CNPY1: variants seen among roughly 807,000 people sequenced by gnomAD.
The protein encoded by CNPY1 is canopy FGF signaling regulator 1.
CNPY1 carries 14 observed loss-of-function variants against 14.4 expected under a neutral mutation model. The ratio of observed to expected loss-of-function variants is 0.97; its 90% CI spans 0.64 to 1.52. The LOEUF (loss-of-function observed/expected upper bound fraction) is 1.52. CNPY1 is among the 40% of genes most tolerant of loss of function. The pLI, the probability that CNPY1 is intolerant of heterozygous loss-of-function variation, is 0.00. For missense variants in CNPY1, 129 were observed against 131.5 expected (o/e 0.98, Z 0.09); for synonymous variants, 43 against 46.5 (o/e 0.92, Z 0.31).
intron 2 of CNPY1, among the ~76,000 whole-genome samples, chr7:155,531,008 T>C (rs919158816): frequency 6.6e-6 from 1 of 152,232 alleles, no homozygotes; most frequent in African/African-American, 2.4e-5. Flanking sequence ...ACGAAGGCTG[T>C]CTGCTCTCCA....
intron 2 of CNPY1, among the ~76,000 whole-genome samples, chr7:155,533,269 CG>C (rs1433389137): frequency 1.3e-5 from 2 of 152,170 alleles, no homozygotes; most frequent in African/African-American, 4.8e-5. Flanking sequence ...ACCTCTCGTT[CG>C]GGGTCTGACA....
At chr7:155,522,706 A>G (rs1796748813) in intron 2 of CNPY1, among the ~76,000 whole-genome samples, 1 of 152,040 alleles carries the variant, frequency 6.6e-6, no homozygotes, top group Admixed American at 6.6e-5. Context: ...GAGCCACTAT[A>G]CCTGTCTACA....
At chr7:155,521,238 A>G (rs763188791) in intron 2 of CNPY1, among the ~76,000 whole-genome samples, 6 of 152,200 alleles carry the variant, frequency 3.9e-5, no homozygotes, top group Non-Finnish European at 7.3e-5. Context: ...CTGTGATTGT[A>G]GAGATCACAT....
At chr7:155,533,123 A>G (rs1174429021) in intron 2 of CNPY1, among the ~76,000 whole-genome samples, 4 of 152,236 alleles carry the variant, frequency 2.6e-5, no homozygotes, top group African/African-American at 9.6e-5. Flanking sequence ...CATACGCCGT[A>G]CAGTGACAAC....
intron 2 of CNPY1, among the ~76,000 whole-genome samples, chr7:155,545,590 T>C (rs1244160832): frequency 6.6e-6 from 1 of 152,162 alleles, no homozygotes; most frequent in Non-Finnish European, 1.5e-5. Context: ...TTTATTCTGA[T>C]GAAGAACAGT....
At chr7:155,543,825 A>C (rs1297874753) in intron 2 of CNPY1, among the ~76,000 whole-genome samples, 1 of 152,212 alleles carries the variant, frequency 6.6e-6, no homozygotes, top group Admixed American at 6.5e-5. Context: ...CTGGGCAGAA[A>C]GATCACCTGA....
intron 2 of CNPY1, among the ~76,000 whole-genome samples, chr7:155,521,120 C>A (rs550826064): frequency 1.3e-5 from 2 of 149,644 alleles, no homozygotes; most frequent in Non-Finnish European, 3.0e-5. Flanking sequence ...GGCTCCCCTC[C>A]CCTCAGAAGC....
rs144964674 is a variant in CNPY1, at chr7:155,523,176, C to T, written c.100-14079G>A. Among the ~76,000 whole-genome samples the T allele has an allele frequency of 8.7e-4, 132 of 152,236 alleles. 1 individual carries two copies. Among genetic ancestry groups the T allele is most frequent in the East Asian group, 2.7e-3 (14 of 5,172 alleles). Reference sequence around the variant, plus strand: ...TTGAGGGTGACAGAATTACAAAATCCGAGGCTAGATGCATTATGTATTTAG... The same window carrying T: ...TTGAGGGTGACAGAATTACAAAATCTGAGGCTAGATGCATTATGTATTTAG... On this transcript the variant is annotated intron_variant, in intron 2 of 4. Transcript: ENST00000636446.
intron 4 of CNPY1, 149 bp downstream of exon 4, chr7:155,506,871 G>A (rs1370392421): frequency 1.8e-5 from 12 of 654,538 alleles, no homozygotes; most frequent in African/African-American, 9.2e-5. Context: ...ACATGCTGTC[G>A]TTTCTGATTC....
At position 155,509,089 on chromosome 7, in the gene CNPY1, TA is replaced by T; in HGVS notation, c.107del (p.Leu36GlnfsTer8). On this transcript the variant is annotated frameshift_variant, in exon 3 of 5. Transcript: ENST00000636446. LOFTEE classifies it high-confidence loss of function. ...DGTQERRKIPLAQSEAFLTDL... is the reference protein window; with the variant it reads ...DGTQERRKIPXAQSEAFLTDL... ...CCGTTAGGAACGCCTCCGACTGAGC[TA>T]GGGGGATCTAAGAAGAAAGACAGGG... 1 of 1,557,932 alleles carries T rather than the reference TA, an allele frequency of 6.4e-7. No individual in the cohort carries two copies. The highest frequency in any genetic ancestry group is 8.7e-7 in the Non-Finnish European group (1 of 1,153,152).
chr7:155,514,455 G>A (rs1585307941), intron 2 of CNPY1, among the ~76,000 whole-genome samples: 1 of 152,314 alleles, frequency 6.6e-6, no homozygotes, highest in East Asian at 1.9e-4. Context: ...AATGGTTGAT[G>A]AGTGATGATC....
chr7:155,504,124 G>A (rs1796213953), intron 4 of CNPY1, among the ~76,000 whole-genome samples: 1 of 152,042 alleles, frequency 6.6e-6, no homozygotes, highest in Non-Finnish European at 1.5e-5. Flanking sequence ...ATAACCCCCT[G>A]TTACTCTGTC....
chr7:155,530,857 C>T (rs1796926101), intron 2 of CNPY1, among the ~76,000 whole-genome samples: 1 of 152,214 alleles, frequency 6.6e-6, no homozygotes, highest in African/African-American at 2.4e-5. Flanking sequence ...GGAGCCTCTC[C>T]TCCCCTCCAG....
chr7:155,506,937 G>C lies in CNPY1; in HGVS notation c.400+83C>G, dbSNP rs1004815444. ...GTGGATCGCAGAGGCAGCGAGGCTC[G>C]GTCTGCAAACAAGACGCTGCAAGGC... On this transcript the variant is annotated intron_variant, in intron 4 of 4. Coordinates refer to ENST00000636446, the MANE Select transcript of CNPY1 (RefSeq NM_001393663.1). 11 of 888,084 alleles carry C rather than the reference G, an allele frequency of 1.2e-5. No individual in the cohort carries two copies. In the East Asian group the frequency reaches 1.3e-4, roughly 10 times the overall value. The allele number at this position is 888,084 out of a possible 1,614,324, so 55.0% of individuals were successfully genotyped here. A position where few individuals can be genotyped will look rare whatever the true frequency, so the allele number is the denominator to read the frequency against.
rs11364914 is a variant in CNPY1 at position 155,527,434 on chromosome 7, C to CTTTTT, written c.100-18342_100-18338dup. Among the ~76,000 whole-genome samples the CTTTTT allele has an allele frequency of 1.3e-3, 76 of 56,894 alleles. 1 individual carries two copies. Among genetic ancestry groups the CTTTTT allele is most frequent in the Admixed American group, 1.5e-3 (5 of 3,358 alleles). The allele number at this position is 56,894 out of a possible 152,430, so 37.3% of individuals were successfully genotyped here. ...CATGTGTTATTTTGATAATTAATTT[C>CTTTTT]TTTTTTTTTTTTTTTTTTTTTTTTT... On this transcript the variant is annotated intron_variant, in intron 2 of 4. Coordinates refer to ENST00000636446, the MANE Select transcript of CNPY1 (RefSeq NM_001393663.1).
At chr7:155,541,225 C>T (rs994160746) in intron 2 of CNPY1, among the ~76,000 whole-genome samples, 1 of 152,216 alleles carries the variant, frequency 6.6e-6, no homozygotes, top group African/African-American at 2.4e-5. Flanking sequence ...AAGACAGAGA[C>T]CTCCGCGAGC....
intron 2 of CNPY1, among the ~76,000 whole-genome samples, chr7:155,528,134 T>C (rs1585324708): frequency 6.6e-6 from 1 of 152,234 alleles, no homozygotes; most frequent in African/African-American, 2.4e-5. Context: ...TTTCCTCTGA[T>C]GTTTTCAGAA....
rs192550682 is a variant in CNPY1, at chr7:155,501,658, G to T, written c.*1410C>A. On this transcript the variant is annotated 3_prime_UTR_variant, in exon 5 of 5. Transcript: ENST00000636446. Reference sequence around the variant, plus strand: ...AGGGACTATGTTTTAAATAACAATTGTCCTACCCTACTGGAAAATAGTGTT... The same window carrying T: ...AGGGACTATGTTTTAAATAACAATTTTCCTACCCTACTGGAAAATAGTGTT... 1 of 152,224 alleles carries T rather than the reference G, an allele frequency of 6.6e-6. No homozygotes were observed. The highest frequency in any genetic ancestry group is 2.4e-5 in the African/African-American group (1 of 41,530). The allele number at this position is 152,224 out of a possible 1,614,324, so 9.4% of individuals were successfully genotyped here. A position where few individuals can be genotyped will look rare whatever the true frequency, so the allele number is the denominator to read the frequency against.
chr7:155,535,230 T>C (rs1797009683), intron 2 of CNPY1, among the ~76,000 whole-genome samples: 1 of 152,216 alleles, frequency 6.6e-6, no homozygotes, highest in African/African-American at 2.4e-5. Context: ...GACCCAGCAT[T>C]GGTGCCAGGG....
Sources: allele counts gnomAD v4.1 joint callset (sites outside exome capture counted in the v4.1 genomes callset), GRCh38; gene constraint gnomAD v4.1.1; transcripts MANE v1.5; gene names NCBI Gene and HGNC (gene_info 2026-07-23, HGNC 2026-07-21).